The following FHIT variants were observed in gnomAD, a reference collection of about 807,000 sequenced individuals.
The protein encoded by FHIT is fragile histidine triad diadenosine triphosphatase.
In FHIT, 19 loss-of-function variants were observed where a neutral mutation model predicts 17.9. That is an observed-to-expected ratio of 1.06 (90% CI 0.74 to 1.56). FHIT has a LOEUF of 1.56. FHIT is among the 40% of genes most tolerant of loss of function. FHIT has a pLI of 0.00. For missense variants in FHIT, 248 were observed against 189.2 expected, an observed-to-expected ratio of 1.31 and a Z score of -1.82; for synonymous variants, 81 against 69.7, an observed-to-expected ratio of 1.16 and a Z score of -0.81.
At chr3:60,050,876 G>A (rs1490042632) in intron 5 of FHIT, among the ~76,000 whole-genome samples, 1 of 152,120 alleles carries the variant, frequency 6.6e-6, no homozygotes, top group African/African-American at 2.4e-5. Context: ...AGAGAATGTG[G>A]TGTAAGGCCC....
At chr3:60,052,389 T>A (rs1701916905) in intron 5 of FHIT, among the ~76,000 whole-genome samples, 2 of 152,096 alleles carry the variant, frequency 1.3e-5, no homozygotes, top group South Asian at 4.1e-4. Flanking sequence ...CTAGAGTCCT[T>A]AGAATCTTTG....
chr3:60,485,476 T>C (rs2033797608), intron 5 of FHIT, among the ~76,000 whole-genome samples: 1 of 152,024 alleles, frequency 6.6e-6, no homozygotes, highest in Non-Finnish European at 1.5e-5. Context: ...TGCAGACATA[T>C]AAAGGAATGA....
chr3:60,139,055 A>G (rs1249331484), intron 5 of FHIT, among the ~76,000 whole-genome samples: 1 of 152,216 alleles, frequency 6.6e-6, no homozygotes, highest in Non-Finnish European at 1.5e-5. Context: ...CAAAGATCAC[A>G]GAGAATACAG....
intron 3 of FHIT, among the ~76,000 whole-genome samples, chr3:60,910,209 G>A (rs74424874): frequency 9.7e-4 from 148 of 152,264 alleles, no homozygotes; most frequent in African/African-American, 3.4e-3. Context: ...TCTGCAGTTA[G>A]AGAGAAGGCT....
At chr3:60,195,110 T>C (rs536274205) in intron 5 of FHIT, among the ~76,000 whole-genome samples, 2 of 152,060 alleles carry the variant, frequency 1.3e-5, no homozygotes, top group South Asian at 4.2e-4. Context: ...ACGTTGCAGT[T>C]AGCCAAGATC....
At chr3:59,979,290 G>C (rs750856134) in intron 7 of FHIT, among the ~76,000 whole-genome samples, 10 of 152,072 alleles carry the variant, frequency 6.6e-5, no homozygotes, top group Admixed American at 2.0e-4. Context: ...TGTTTGTACA[G>C]TTAGTGCATT....
chr3:60,426,883 C>T (rs536296631), intron 5 of FHIT, among the ~76,000 whole-genome samples: 25 of 152,190 alleles, frequency 1.6e-4, no homozygotes, highest in African/African-American at 5.8e-4. Flanking sequence ...AGATTCTTGC[C>T]TCTGGTATAT....
intron 7 of FHIT, among the ~76,000 whole-genome samples, chr3:59,965,076 T>C (rs1707860399): frequency 6.6e-6 from 1 of 152,136 alleles, no homozygotes; most frequent in African/African-American, 2.4e-5. Flanking sequence ...CCTTAAATTT[T>C]AGGAAATAAC....
chr3:60,674,482 C>T (rs1004752497), intron 4 of FHIT, among the ~76,000 whole-genome samples: 9 of 152,072 alleles, frequency 5.9e-5, no homozygotes, highest in African/African-American at 2.2e-4. Flanking sequence ...AAACACAGGG[C>T]GACACATTTA....
At chr3:60,975,913 T>C (rs1710212321) in intron 3 of FHIT, among the ~76,000 whole-genome samples, 1 of 152,048 alleles carries the variant, frequency 6.6e-6, no homozygotes, top group Non-Finnish European at 1.5e-5. Context: ...ATTCAAATCA[T>C]TACCAATGCC....
intron 5 of FHIT, among the ~76,000 whole-genome samples, chr3:60,250,998 C>G (rs984828013): frequency 6.6e-6 from 1 of 152,160 alleles, no homozygotes; most frequent in Non-Finnish European, 1.5e-5. Context: ...CCTTTACCCA[C>G]GTGGTTTGTA....
At chr3:61,211,528 C>G (rs2106763847) in intron 1 of FHIT, among the ~76,000 whole-genome samples, 1 of 152,364 alleles carries the variant, frequency 6.6e-6, no homozygotes, top group South Asian at 2.1e-4. Flanking sequence ...GAGCCCACCA[C>G]ATCTCAAGGA....
chr3:60,783,374 C>T (rs1326758569), intron 4 of FHIT, among the ~76,000 whole-genome samples: 1 of 152,106 alleles, frequency 6.6e-6, no homozygotes, highest in African/African-American at 2.4e-5. Context: ...AGTCTGTAGT[C>T]AGAGGTCAGA....
chr3:60,521,507 A>G (rs537811477), intron 5 of FHIT, among the ~76,000 whole-genome samples: 21 of 152,280 alleles, frequency 1.4e-4, no homozygotes, highest in African/African-American at 4.6e-4. Context: ...TCGGCCTCCC[A>G]AAGTGCTGGG....
chr3:59,854,757 T>C (rs1444354939), intron 8 of FHIT, among the ~76,000 whole-genome samples: 1 of 152,106 alleles, frequency 6.6e-6, no homozygotes, highest in Non-Finnish European at 1.5e-5. Context: ...GCCCATATTA[T>C]TGCCATACTA....
chr3:59,917,638 A>T (rs1705197407), intron 8 of FHIT, among the ~76,000 whole-genome samples: 1 of 152,238 alleles, frequency 6.6e-6, no homozygotes, highest in Non-Finnish European at 1.5e-5. Flanking sequence ...GATAAATAAG[A>T]TCTGCATAGA....
intron 1 of FHIT, among the ~76,000 whole-genome samples, chr3:61,215,761 T>C (rs2039653454): frequency 6.6e-6 from 1 of 152,232 alleles, no homozygotes; most frequent in South Asian, 2.1e-4. Flanking sequence ...AAGGCTACAG[T>C]AACCAAAACA....
intron 7 of FHIT, among the ~76,000 whole-genome samples, chr3:59,981,568 C>G (rs569396676): frequency 6.6e-6 from 1 of 152,218 alleles, no homozygotes; most frequent in East Asian, 1.9e-4. Flanking sequence ...ATTACCGAAC[C>G]TATAGATAAC....
chr3:60,477,156 G>A (rs372189917), intron 5 of FHIT, among the ~76,000 whole-genome samples: 105 of 151,806 alleles, frequency 6.9e-4, no homozygotes, highest in African/African-American at 2.1e-3. Context: ...ATTAACCCAC[G>A]GTGAGGAAGG....
Sources: allele counts gnomAD v4.1 joint callset (sites outside exome capture counted in the v4.1 genomes callset), GRCh38; gene constraint gnomAD v4.1.1; transcripts MANE v1.5; gene names NCBI Gene and HGNC (gene_info 2026-07-23, HGNC 2026-07-21).